Variants in UBE3C observed in about 807,000 individuals in gnomAD.
UBE3C encodes the protein ubiquitin protein ligase E3C, also known as ubiquitin-protein ligase E3C.
A neutral mutation model predicts 129.4 loss-of-function variants in UBE3C; 42 were observed. The ratio of observed to expected loss-of-function variants is 0.32; its 90% CI spans 0.25 to 0.42. UBE3C has a LOEUF of 0.42. Among genes scored for constraint, UBE3C ranks in the 10% least tolerant of loss-of-function variants. The probability of loss-of-function intolerance (pLI) is 1.00; values close to 1 mark genes in which losing one functional copy is unlikely to be tolerated. For synonymous variants in UBE3C, 510 were observed against 492.4 expected (o/e 1.04, Z -0.47); for missense variants, 1,049 against 1,319.1 (o/e 0.80, Z 3.17).
chr7:157,153,593 C>T (rs1036395910), intron 1 of UBE3C, among the ~76,000 whole-genome samples: 6 of 152,256 alleles, frequency 3.9e-5, no homozygotes, highest in African/African-American at 1.4e-4. Flanking sequence ...GTGAGCCACA[C>T]GCCCAGCCAG....
intron 10 of UBE3C, chr7:157,197,978 T>C: frequency 6.2e-7 from 1 of 1,609,678 alleles, no homozygotes; most frequent in Non-Finnish European, 8.5e-7. Context: ...ATCTAGGTTT[T>C]ATGTATTCTT....
intron 15 of UBE3C, chr7:157,221,847 T>G (rs184721857): frequency 6.6e-6 from 1 of 152,218 alleles, no homozygotes; most frequent in Non-Finnish European, 1.5e-5. Flanking sequence ...TTCATGAATT[T>G]GTTTTTTTGT....
At chr7:157,152,943 C>G (rs1278363390) in intron 1 of UBE3C, among the ~76,000 whole-genome samples, 1 of 152,148 alleles carries the variant, frequency 6.6e-6, no homozygotes, top group Non-Finnish European at 1.5e-5. Context: ...CGCCTGTAAT[C>G]CTAGCACTTT....
chr7:157,170,539 A>G, intron 4 of UBE3C, 89 bp downstream of exon 4: 1 of 1,346,738 alleles, frequency 7.4e-7, no homozygotes, highest in Non-Finnish European at 9.7e-7. Context: ...TCAGAAAGTT[A>G]AACAGCTCTC....
At chr7:157,260,075 CAAT>C (rs1185998076) in intron 22 of UBE3C, among the ~76,000 whole-genome samples, 3 of 142,018 alleles carry the variant, frequency 2.1e-5, no homozygotes, top group South Asian at 4.5e-4. Context: ...TACCATCACT[CAAT>C]GATATCAGTA....
intron 17 of UBE3C, among the ~76,000 whole-genome samples, chr7:157,228,282 G>C (rs1795932515): frequency 6.6e-6 from 1 of 152,244 alleles, no homozygotes; most frequent in Non-Finnish European, 1.5e-5. Context: ...GGGTTCCACA[G>C]GGATGCCCAC....
chr7:157,219,012 T>C (rs780566385), intron 14 of UBE3C, among the ~76,000 whole-genome samples: 1 of 152,124 alleles, frequency 6.6e-6, no homozygotes, highest in South Asian at 2.1e-4. Flanking sequence ...AAACAGATAG[T>C]GTGTGATCTT....
chr7:157,183,426 C>T (rs1291022710), intron 8 of UBE3C, among the ~76,000 whole-genome samples: 5 of 151,150 alleles, frequency 3.3e-5, no homozygotes, highest in Admixed American at 6.6e-5. Flanking sequence ...ACTCCACACT[C>T]TCGGCACCTC....
intron 14 of UBE3C, 126 bp from the exon 15 acceptor site, chr7:157,220,563 A>C: frequency 1.1e-6 from 1 of 925,226 alleles, no homozygotes; most frequent in Non-Finnish European, 1.6e-6. Context: ...ACATGAAGGT[A>C]TGAGGTCAGA....
At chr7:157,190,244 G>C (rs1471801787) in intron 10 of UBE3C, among the ~76,000 whole-genome samples, 2 of 152,102 alleles carry the variant, frequency 1.3e-5, no homozygotes, top group African/African-American at 4.8e-5. Flanking sequence ...CTTAATAGGA[G>C]ATGTCCCTGG....
chr7:157,233,837 G>A (rs1796084678), intron 18 of UBE3C, among the ~76,000 whole-genome samples: 1 of 152,210 alleles, frequency 6.6e-6, no homozygotes, highest in Non-Finnish European at 1.5e-5. Flanking sequence ...AGGTTTCAGT[G>A]ACTCCACATC....
chr7:157,267,421 CAAAG>C (rs1470985653), intron 22 of UBE3C, among the ~76,000 whole-genome samples, 160 bp from the exon 23 acceptor site: 1 of 152,170 alleles, frequency 6.6e-6, no homozygotes, highest in East Asian at 1.9e-4. Flanking sequence ...GACTCCATCT[CAAAG>C]AAAACAAACA....
intron 22 of UBE3C, among the ~76,000 whole-genome samples, chr7:157,263,965 G>T (rs1796993857): frequency 6.6e-6 from 1 of 151,906 alleles, no homozygotes; most frequent in Non-Finnish European, 1.5e-5. Flanking sequence ...TAGAGGTAGG[G>T]TCTTGCTCTG....
Position 157,256,987 on chromosome 7 carries a change from G to C in UBE3C, c.3024G>C (p.Lys1008Asn). The C allele has an allele frequency of 6.2e-7, 1 of 1,614,198 alleles. No individual in the cohort carries two copies. Among genetic ancestry groups the C allele is most frequent in the Non-Finnish European group, 8.5e-7 (1 of 1,180,036 alleles). ...TGGAAGGGTTCACTGATGAAGAAAA[G>C]CGCAAACTGCTGAAGTTTGTAACAA... ...RVVEGFTDEE[K>N]RKLLKFVTSC... Residue 1008 changes from lysine (K) to asparagine (N), a missense_variant, in exon 22 of 23, where the codon AAG (lysine) becomes AAC (asparagine). Transcript: ENST00000348165.
At chr7:157,191,153 A>G (rs7786095) in intron 10 of UBE3C, among the ~76,000 whole-genome samples, 15,510 of 152,304 alleles carry the variant, frequency 0.1, 900 homozygotes, top group African/African-American at 0.14. Flanking sequence ...AAAGTAGTAC[A>G]GTGAAGCAGC....
chr7:157,176,146 T>C (rs1249399161), intron 5 of UBE3C, among the ~76,000 whole-genome samples: 2 of 152,182 alleles, frequency 1.3e-5, no homozygotes, highest in Non-Finnish European at 2.9e-5. Context: ...TTCCCAACTT[T>C]TATTTTTAAA....
chr7:157,182,738 C>G (rs1434997807), intron 8 of UBE3C, among the ~76,000 whole-genome samples: 1 of 151,658 alleles, frequency 6.6e-6, no homozygotes, highest in Non-Finnish European at 1.5e-5. Flanking sequence ...AATGTGAAAA[C>G]CAAACTTTTG....
At chr7:157,248,676 G>T in intron 19 of UBE3C, 96 bp downstream of exon 19, 1 of 1,310,332 alleles carries the variant, frequency 7.6e-7, no homozygotes. Flanking sequence ...TTTGACTTCC[G>T]CACATTTTAG....
At position 157,156,509 on chromosome 7, in the gene UBE3C, G is replaced by A. The variant is rs531168329; in HGVS notation, c.67-7301G>A. 1.3e-4 allele frequency among the ~76,000 whole-genome samples: 20 copies of A among 151,486 alleles called. 1 individual carries two copies. The highest frequency in any genetic ancestry group is 3.2e-4 in the African/African-American group (13 of 41,146). On this transcript the variant is annotated intron_variant, in intron 1 of 22. Transcript: ENST00000348165. The stretch of plus-strand genomic sequence containing the variant: ...TTTCATAGAGACAGGGTTTCACTAC[G>A]TTGGCTGGGCTGGTCTTGAACTCCT...
Sources: allele counts gnomAD v4.1 joint callset (sites outside exome capture counted in the v4.1 genomes callset), GRCh38; gene constraint gnomAD v4.1.1; transcripts MANE v1.5; gene names NCBI Gene and HGNC (gene_info 2026-07-23, HGNC 2026-07-21).